The following CTNND2 variants were observed in gnomAD, a reference collection of about 807,000 sequenced individuals.
The protein encoded by CTNND2 is catenin delta-2.
Under a neutral mutation model 144.4 loss-of-function variants are expected in CTNND2, and 22 were observed. That is an observed-to-expected ratio of 0.15 (90% confidence interval 0.11 to 0.22). The LOEUF is 0.22. Among genes scored for constraint, CTNND2 ranks in the 10% least tolerant of loss-of-function variants. The pLI is 1.00. For synonymous variants in CTNND2, 751 were observed against 695.6 expected, an observed-to-expected ratio of 1.08 and a Z score of -1.25; for missense variants, 1,353 against 1,618.8, an observed-to-expected ratio of 0.84 and a Z score of 2.82.
At chr5:11,424,459 A>G (rs1374685533) in intron 3 of CTNND2, among the ~76,000 whole-genome samples, 1 of 144,530 alleles carries the variant, frequency 6.9e-6, no homozygotes, top group African/African-American at 2.7e-5. Context: ...CTAAACACGC[A>G]TACACACACA....
At chr5:11,386,619 G>A (rs945202135) in intron 6 of CTNND2, among the ~76,000 whole-genome samples, 6 of 152,142 alleles carry the variant, frequency 3.9e-5, no homozygotes, top group Non-Finnish European at 8.8e-5. Context: ...GTGTGTATGT[G>A]TATGCATATG....
At chr5:11,635,465 C>T (rs1187454298) in intron 2 of CTNND2, among the ~76,000 whole-genome samples, 1 of 152,112 alleles carries the variant, frequency 6.6e-6, no homozygotes, top group Non-Finnish European at 1.5e-5. Flanking sequence ...GCAGATAAGA[C>T]TCGAATGGAT....
At chr5:11,690,669 G>T (rs1438332146) in intron 2 of CTNND2, among the ~76,000 whole-genome samples, 1 of 147,106 alleles carries the variant, frequency 6.8e-6, no homozygotes, top group Non-Finnish European at 1.5e-5. Flanking sequence ...CCGGGAAGTG[G>T]AGCTTGCAGT....
At position 11,171,841 on chromosome 5, in the gene CTNND2, C is replaced by T. The variant is rs371719636; in HGVS notation, c.1976-12082G>A. 6.6e-5 allele frequency among the ~76,000 whole-genome samples: 10 copies of T among 152,206 alleles called. No homozygotes were observed. The East Asian group carries it at 1.7e-3, about 26-fold the overall frequency. ...CAGAATTAGCCAGAATGAGAGAAAA[C>T]ATTCAGGTATCAAGAAAAAGTGAGC... On this transcript the variant is annotated intron_variant, in intron 11 of 21. Transcript: ENST00000304623.
chr5:11,010,119 T>C (rs1208513083), intron 18 of CTNND2, among the ~76,000 whole-genome samples: 6 of 152,236 alleles, frequency 3.9e-5, no homozygotes, highest in African/African-American at 1.4e-4. Flanking sequence ...TTGGGTTGTT[T>C]TAAAATCTGG....
At chr5:11,522,868 C>A (rs535448723) in intron 3 of CTNND2, among the ~76,000 whole-genome samples, 20 of 152,176 alleles carry the variant, frequency 1.3e-4, no homozygotes, top group Non-Finnish European at 2.5e-4. Flanking sequence ...ACTGTCTCAA[C>A]AAGCTACACA....
At chr5:11,744,613 G>A (rs1197305371) in intron 1 of CTNND2, among the ~76,000 whole-genome samples, 4 of 152,154 alleles carry the variant, frequency 2.6e-5, no homozygotes, top group Non-Finnish European at 5.9e-5. Flanking sequence ...TCGAAACACT[G>A]CCAGAGAAGA....
chr5:11,538,377 T>C (rs1314208941), intron 3 of CTNND2, among the ~76,000 whole-genome samples: 1 of 152,210 alleles, frequency 6.6e-6, no homozygotes, highest in Non-Finnish European at 1.5e-5. Context: ...AAAGGAAGCA[T>C]GGCTGTAACC....
At chr5:11,870,100 G>A (rs1425546906) in intron 1 of CTNND2, among the ~76,000 whole-genome samples, 2 of 152,172 alleles carry the variant, frequency 1.3e-5, no homozygotes, top group Non-Finnish European at 2.9e-5. Context: ...AGAGCCCAAT[G>A]GAGAAAATCA....
At chr5:11,494,467 T>C (rs1769745400) in intron 3 of CTNND2, among the ~76,000 whole-genome samples, 2 of 152,112 alleles carry the variant, frequency 1.3e-5, no homozygotes. Context: ...TGAGTGGTAT[T>C]TGAAAGAAAA....
At chr5:11,887,186 T>C (rs182682707) in intron 1 of CTNND2, among the ~76,000 whole-genome samples, 28 of 152,134 alleles carry the variant, frequency 1.8e-4, no homozygotes, top group African/African-American at 6.7e-4. Flanking sequence ...GGTTTAACCA[T>C]GTTAGCCAGA....
intron 9 of CTNND2, among the ~76,000 whole-genome samples, chr5:11,274,392 A>G (rs950138677): frequency 1.2e-4 from 19 of 152,312 alleles, no homozygotes; most frequent in Non-Finnish European, 4.4e-5. Context: ...TTTCATATGA[A>G]AGGACCATCT....
intron 9 of CTNND2, among the ~76,000 whole-genome samples, chr5:11,278,496 G>A (rs2149991642): frequency 6.6e-6 from 1 of 152,252 alleles, no homozygotes; most frequent in African/African-American, 2.4e-5. Flanking sequence ...TGCTAGAGGG[G>A]ACAAGCACAA....
At chr5:11,404,431 C>A (rs377175337) in intron 5 of CTNND2, among the ~76,000 whole-genome samples, 7 of 151,976 alleles carry the variant, frequency 4.6e-5, no homozygotes, top group African/African-American at 1.7e-4. Context: ...CCCTTTGTTC[C>A]TGCCATTAAT....
At chr5:11,312,605 T>G (rs1221217127) in intron 9 of CTNND2, among the ~76,000 whole-genome samples, 1 of 143,764 alleles carries the variant, frequency 7.0e-6, no homozygotes, top group Admixed American at 6.9e-5. Context: ...GGAGATACAA[T>G]TCAAGCTGAG....
At chr5:11,819,308 C>G (rs1355922640) in intron 1 of CTNND2, among the ~76,000 whole-genome samples, 1 of 151,906 alleles carries the variant, frequency 6.6e-6, no homozygotes, top group Admixed American at 6.6e-5. Flanking sequence ...GTGGCGGGAG[C>G]CTGTAATCCC....
At chr5:11,864,719 A>T (rs1795662829) in intron 1 of CTNND2, among the ~76,000 whole-genome samples, 1 of 152,182 alleles carries the variant, frequency 6.6e-6, no homozygotes, top group South Asian at 2.1e-4. Context: ...GCCTAACTTA[A>T]GAGCAGCCCT....
chr5:11,253,288 G>A lies in CTNND2; in HGVS notation c.1629-16465C>T, dbSNP rs575095658. Among the ~76,000 whole-genome samples, 37 of 152,194 alleles carry A rather than the reference G, an allele frequency of 2.4e-4. No homozygotes were observed. In the South Asian group the frequency reaches 7.7e-3, roughly 32 times the overall value. On this transcript the variant is annotated intron_variant, in intron 9 of 21. Coordinates refer to ENST00000304623, the MANE Select transcript of CTNND2 (RefSeq NM_001332.4). ...TTTCTCTGGCTTTTGTGAGTTACCT[G>A]TGATTTATTCAATTAAGGACTATTG... is the stretch of plus-strand genomic sequence containing the variant.
chr5:11,188,920 T>C (rs961477454), intron 11 of CTNND2, among the ~76,000 whole-genome samples: 1 of 152,234 alleles, frequency 6.6e-6, no homozygotes, highest in Non-Finnish European at 1.5e-5. Context: ...TTTCTATCCC[T>C]TTCTAATCTC....
Sources: gnomAD v4.1 joint callset for allele counts (sites outside exome capture counted in the v4.1 genomes callset) on GRCh38, gnomAD v4.1.1 for gene constraint, MANE v1.5 for transcripts, NCBI Gene and HGNC (gene_info 2026-07-23, HGNC 2026-07-21) for gene names.